The following PCDHGB1 variants were observed in gnomAD, a reference collection of about 807,000 sequenced individuals.
PCDHGB1 encodes the protein protocadherin gamma-B1.
A neutral mutation model predicts 56.6 loss-of-function variants in PCDHGB1; 34 were observed. That is an observed-to-expected ratio of 0.60 (90% CI 0.46 to 0.80). The LOEUF (loss-of-function observed/expected upper bound fraction) is 0.80, where lower values mean the gene tolerates loss of function less well. Among genes scored for constraint, PCDHGB1 ranks in the 30% least tolerant of loss-of-function variants. PCDHGB1 has a pLI of 0.00. For synonymous variants in PCDHGB1, 561 were observed against 505.9 expected (o/e 1.11, Z -1.46); for missense variants, 1,278 against 1,204.6 (o/e 1.06, Z -0.90).
intron 1 of PCDHGB1, among the ~76,000 whole-genome samples, chr5:141,457,906 T>G (rs1272656638): frequency 6.7e-6 from 1 of 150,040 alleles, no homozygotes; most frequent in Admixed American, 6.6e-5. Flanking sequence ...AGACAAGGTG[T>G]GAGGCCAGTT....
At chr5:141,424,682 C>A (rs1421088073) in intron 1 of PCDHGB1, 1 of 152,062 alleles carries the variant, frequency 6.6e-6, no homozygotes, top group Non-Finnish European at 1.5e-5. Flanking sequence ...AGCTAGTATC[C>A]TTCTGGCTAT....
rs772043134 is a variant in PCDHGB1, at chr5:141,432,746, G to A, written c.2410-62061G>A. 1.2e-6 allele frequency: 2 copies of A among 1,614,098 alleles called. No homozygotes were observed. Among genetic ancestry groups the A allele is most frequent in the East Asian group, 4.5e-5 (2 of 44,860 alleles). On this transcript the variant is annotated intron_variant, in intron 1 of 3. Coordinates refer to ENST00000523390, the MANE Select transcript of PCDHGB1 (RefSeq NM_018922.3). The surrounding 1 kb of genome is among the most constrained non-coding windows in gnomAD (Gnocchi z 6.0). ...CTCCGCCACTGTCACGCTCACCGTGGCCGTGGCCGACAGCATCCCCCAAGT... is the reference window on the plus strand; with the variant it reads ...CTCCGCCACTGTCACGCTCACCGTGACCGTGGCCGACAGCATCCCCCAAGT...
chr5:141,422,150 T>A (rs773805631), intron 1 of PCDHGB1: 1 of 1,577,174 alleles, frequency 6.3e-7, no homozygotes, highest in Non-Finnish European at 8.6e-7. Context: ...CGGGGGTCTC[T>A]GGATTTTGAA....
chr5:141,399,529 G>T (rs946281582), intron 1 of PCDHGB1: 3 of 1,614,010 alleles, frequency 1.9e-6, no homozygotes, highest in Non-Finnish European at 2.5e-6. Flanking sequence ...GGCCTCCATC[G>T]CGCAAGTCTG....
intron 1 of PCDHGB1, chr5:141,433,226 C>G (rs1433770157): frequency 6.6e-7 from 1 of 1,514,890 alleles, no homozygotes; most frequent in Non-Finnish European, 9.0e-7. Context: ...TTTTTAATTG[C>G]TCTGTCTCCC....
chr5:141,350,225 T>A lies in PCDHGB1; in HGVS notation c.-36T>A. On this transcript the variant is annotated 5_prime_UTR_variant, in exon 1 of 4. Coordinates refer to ENST00000523390, the MANE Select transcript of PCDHGB1 (RefSeq NM_018922.3). Reference sequence around the variant, plus strand: ...TGCTGCCATTTCTTTTTGAAAAACATCCCAGAGGAAAGAAGCTCCGCGGAG... The same window carrying A: ...TGCTGCCATTTCTTTTTGAAAAACAACCCAGAGGAAAGAAGCTCCGCGGAG... 1 of 1,498,610 alleles carries A rather than the reference T, an allele frequency of 6.7e-7. No individual in the cohort carries two copies. The highest frequency in any genetic ancestry group is 8.9e-7 in the Non-Finnish European group (1 of 1,125,554). The allele number at this position is 1,498,610 out of a possible 1,614,324, so 92.8% of individuals were successfully genotyped here.
chr5:141,432,070 T>C lies in PCDHGB1; in HGVS notation c.2410-62737T>C. 6.2e-7 allele frequency: 1 copy of C among 1,614,136 alleles called. No homozygotes were observed. The highest frequency in any genetic ancestry group is 2.2e-5 in the East Asian group (1 of 44,860). ...CCCCGCCCCTATCCACGGAAACTCATATCTCGCTGAACGTGGCAGACACCA... is the reference window on the plus strand; with the variant it reads ...CCCCGCCCCTATCCACGGAAACTCACATCTCGCTGAACGTGGCAGACACCA... On this transcript the variant is annotated intron_variant, in intron 1 of 3. Transcript: ENST00000523390. The surrounding 1 kb of genome is among the most constrained non-coding windows in gnomAD (Gnocchi z 6.0).
In PCDHGB1 at chr5:141,351,150, T is replaced by C; in HGVS notation, c.890T>C (p.Ile297Thr). The part of the protein sequence containing the change: ...LFNLNPNTGD[I>T]TTNGTLDFEE... ...AATCTCAATCCAAATACTGGCGACA[T>C]CACAACCAATGGCACATTGGATTTT... Residue 297 changes from isoleucine to threonine, a missense_variant, in exon 1 of 4, where the codon ATC becomes ACC. By Grantham distance (89) the Ile-to-Thr change is moderately conservative. Transcript: ENST00000523390. 6.2e-7 allele frequency: 1 copy of C among 1,614,020 alleles called. No individual in the cohort carries two copies.
At position 141,404,906 on chromosome 5, in the gene PCDHGB1, C is replaced by A. The variant is rs776779922; in HGVS notation, c.2409+52237C>A. 1 of 1,613,864 alleles carries A rather than the reference C, an allele frequency of 6.2e-7. No homozygotes were observed. The highest frequency in any genetic ancestry group is 8.5e-7 in the Non-Finnish European group (1 of 1,179,858). ...GGTGGCTGTACAGGACCATGGCCAGCCCCCTCTCTCGGCCACTGTCACGCT... is the reference window on the plus strand; with the variant it reads ...GGTGGCTGTACAGGACCATGGCCAGACCCCTCTCTCGGCCACTGTCACGCT... On this transcript the variant is annotated intron_variant, in intron 1 of 3. Transcript: ENST00000523390.
intron 2 of PCDHGB1, among the ~76,000 whole-genome samples, chr5:141,500,184 TTTTATTTATTTATTTATTTA>T (rs58019021): frequency 1.5e-5 from 2 of 135,966 alleles, no homozygotes; most frequent in Non-Finnish European, 3.2e-5. Flanking sequence ...TCATTTTTAT[TTTTATTTATTTATTTATTTA>T]TTTATTTATT....
Position 141,388,371 on chromosome 5 carries a change from G to C in PCDHGB1, c.2409+35702G>C, listed in dbSNP as rs757960562. ...AGGATCTGCCCATGATGCGGATATT[G>C]GTAGCAACACACTGCAGAATTACCA... On this transcript the variant is annotated intron_variant, in intron 1 of 3. Transcript: ENST00000523390. 3.8e-5 allele frequency: 61 copies of C among 1,613,854 alleles called. No homozygotes were observed. In the South Asian group the frequency reaches 6.1e-4, roughly 16 times the overall value.
In PCDHGB1 at chr5:141,432,255, C is replaced by T. The variant is rs1561859576; in HGVS notation, c.2410-62552C>T. The T allele has an allele frequency of 6.2e-7, 1 of 1,614,246 alleles. No individual in the cohort carries two copies. The highest frequency in any genetic ancestry group is 8.5e-7 in the Non-Finnish European group (1 of 1,180,048). On this transcript the variant is annotated intron_variant, in intron 1 of 3. Transcript: ENST00000523390. This position sits in a 1 kb window ranked among gnomAD's most constrained non-coding sequence, Gnocchi z 6.0. The stretch of plus-strand genomic sequence containing the variant: ...CTGGCTGAGAACACCATCCAAGGGG[C>T]AAGCCTATCGTCCTACGTGTCCATC...
intron 1 of PCDHGB1, chr5:141,385,044 G>T: frequency 1.9e-6 from 3 of 1,614,146 alleles, no homozygotes; most frequent in South Asian, 2.2e-5. Context: ...TGGCGCTCAG[G>T]CTGCGGCGCT....
At chr5:141,418,316 A>G in intron 1 of PCDHGB1, 1 of 1,614,026 alleles carries the variant, frequency 6.2e-7, no homozygotes, top group Non-Finnish European at 8.5e-7. Context: ...GATGGGAACA[A>G]TTCTTGAGTC....
chr5:141,365,467 T>C (rs761340226), intron 1 of PCDHGB1: 6 of 1,613,974 alleles, frequency 3.7e-6, no homozygotes, highest in Non-Finnish European at 4.2e-6. Flanking sequence ...CTGGAGAAAA[T>C]GGTGAGATTG....
chr5:141,486,017 A>C lies in PCDHGB1; in HGVS notation c.2410-8790A>C, dbSNP rs746747518. 1 of 1,614,176 alleles carries C rather than the reference A, an allele frequency of 6.2e-7. No homozygotes were observed. The highest frequency in any genetic ancestry group is 8.5e-7 in the Non-Finnish European group (1 of 1,180,038). ...CAGTGGTAACGTCACCTTTTATTTC[A>C]GTGGTCATACCCCTGATCGTGTAAG... On this transcript the variant is annotated intron_variant, in intron 1 of 3. Coordinates refer to ENST00000523390, the MANE Select transcript of PCDHGB1 (RefSeq NM_018922.3). This position sits in a 1 kb window ranked among gnomAD's most constrained non-coding sequence, Gnocchi z 5.0.
At chr5:141,433,103 C>T (rs762225174) in intron 1 of PCDHGB1, 3 of 1,614,126 alleles carry the variant, frequency 1.9e-6, no homozygotes, top group Non-Finnish European at 2.5e-6. Flanking sequence ...GCTCGTCAGC[C>T]AGGAGAGCTT....
chr5:141,439,042 A>C (rs2098084096), intron 1 of PCDHGB1, among the ~76,000 whole-genome samples: 1 of 151,642 alleles, frequency 6.6e-6, no homozygotes, highest in Non-Finnish European at 1.5e-5. Context: ...TCAGTTCATA[A>C]GATTTCCATA....
chr5:141,419,209 G>A (rs541061354), intron 1 of PCDHGB1: 11 of 1,613,900 alleles, frequency 6.8e-6, no homozygotes, highest in South Asian at 5.5e-5. Context: ...ACAACGCGCC[G>A]GTTTTCGGAC....
Sources: allele counts gnomAD v4.1 joint callset (sites outside exome capture counted in the v4.1 genomes callset), GRCh38; gene constraint gnomAD v4.1.1; non-coding constraint Gnocchi (gnomAD v3.1); transcripts MANE v1.5; gene names NCBI Gene and HGNC (gene_info 2026-07-23, HGNC 2026-07-21).